CDK14: variants seen among roughly 807,000 people sequenced by gnomAD.
CDK14 encodes cyclin-dependent kinase 14.
In CDK14, 34 loss-of-function variants were observed where a neutral mutation model predicts 60.7. That is an observed-to-expected ratio of 0.56 (90% CI 0.43 to 0.75). The LOEUF (loss-of-function observed/expected upper bound fraction) is 0.75, where lower values mean the gene tolerates loss of function less well. CDK14 is among the 30% of genes least tolerant of loss of function. The probability of loss-of-function intolerance (pLI) is 0.00; values close to 1 mark genes in which losing one functional copy is unlikely to be tolerated. For synonymous variants in CDK14, 197 were observed against 203.7 expected (o/e 0.97, Z 0.28); for missense variants, 482 against 564.1 (o/e 0.85, Z 1.47).
At chr7:90,820,425 C>G (rs1789503912) in intron 5 of CDK14, among the ~76,000 whole-genome samples, 1 of 152,104 alleles carries the variant, frequency 6.6e-6, no homozygotes, top group Non-Finnish European at 1.5e-5. Flanking sequence ...GGGTGGATTT[C>G]TCCCTTGCTG....
At position 90,715,711 on chromosome 7, in the gene CDK14, T is replaced by G. The variant is rs571482561; in HGVS notation, c.124-10856T>G. On this transcript the variant is annotated intron_variant, in intron 2 of 14. Coordinates refer to ENST00000380050, the MANE Select transcript of CDK14 (RefSeq NM_001287135.2). ...GAGTTTTAAGGGAATAGTGTCTTGA[T>G]GAAGAAACTAATTAGCCATGCAGTG... Among the ~76,000 whole-genome samples, 7 of 148,660 alleles carry G rather than the reference T, an allele frequency of 4.7e-5. No homozygotes were observed. The East Asian group carries it at 1.4e-3, about 30-fold the overall frequency.
At chr7:90,974,714 TG>T (rs1313810987) in intron 9 of CDK14, among the ~76,000 whole-genome samples, 1 of 152,078 alleles carries the variant, frequency 6.6e-6, no homozygotes, top group Admixed American at 6.6e-5. Context: ...AATATCTTTT[TG>T]AGAAAATTGA....
intron 5 of CDK14, among the ~76,000 whole-genome samples, chr7:90,824,123 A>T (rs1692427382): frequency 6.6e-6 from 1 of 152,190 alleles, no homozygotes; most frequent in African/African-American, 2.4e-5. Context: ...TGTAGGTGTG[A>T]CTGAAGCTTA....
intron 14 of CDK14, among the ~76,000 whole-genome samples, chr7:91,142,956 C>T (rs1432982536): frequency 6.6e-6 from 1 of 152,150 alleles, no homozygotes; most frequent in Admixed American, 6.5e-5. Context: ...TATTGTCAAG[C>T]AGTTTACAGT....
intron 9 of CDK14, among the ~76,000 whole-genome samples, chr7:90,956,704 G>A (rs1050809336): frequency 1.3e-5 from 2 of 151,824 alleles, no homozygotes; most frequent in East Asian, 1.9e-4. Flanking sequence ...ATGCTGGTGC[G>A]CTGCACCCAC....
intron 10 of CDK14, among the ~76,000 whole-genome samples, chr7:91,012,723 T>C (rs1329848792): frequency 6.6e-6 from 1 of 152,182 alleles, no homozygotes; most frequent in East Asian, 1.9e-4. Context: ...GTCTCTTACT[T>C]ATCTTGACTG....
intron 12 of CDK14, among the ~76,000 whole-genome samples, chr7:91,089,044 C>T (rs878880922): frequency 1.3e-5 from 2 of 152,144 alleles, no homozygotes; most frequent in African/African-American, 4.8e-5. Context: ...ATTTTAACTA[C>T]TTCACTGAAG....
chr7:90,784,654 A>C (rs1805492599), intron 4 of CDK14, among the ~76,000 whole-genome samples: 1 of 152,190 alleles, frequency 6.6e-6, no homozygotes, highest in Admixed American at 6.5e-5. Flanking sequence ...AGGTGTAATT[A>C]CTGACAGTTT....
intron 2 of CDK14, among the ~76,000 whole-genome samples, chr7:90,715,535 A>G (rs563253148): frequency 6.6e-6 from 1 of 152,118 alleles, no homozygotes; most frequent in Non-Finnish European, 1.5e-5. Flanking sequence ...GTCCTTTGGA[A>G]ATACACTCTG....
At chr7:90,725,141 T>C (rs1802588289) in intron 2 of CDK14, among the ~76,000 whole-genome samples, 1 of 152,230 alleles carries the variant, frequency 6.6e-6, no homozygotes, top group South Asian at 2.1e-4. Context: ...AAATGGCTTA[T>C]TTTAATTATA....
intron 6 of CDK14, among the ~76,000 whole-genome samples, chr7:90,863,801 A>C (rs1791089286): frequency 6.6e-6 from 1 of 152,090 alleles, no homozygotes; most frequent in African/African-American, 2.4e-5. Flanking sequence ...TGCATAGTAC[A>C]CAATGTAATG....
chr7:90,875,914 C>T (rs947148253), intron 6 of CDK14, among the ~76,000 whole-genome samples: 2 of 151,830 alleles, frequency 1.3e-5, no homozygotes, highest in African/African-American at 4.8e-5. Context: ...TATATTCTTC[C>T]TTGTTTCAAG....
chr7:90,929,865 G>T (rs1448058102), intron 8 of CDK14, among the ~76,000 whole-genome samples: 1 of 152,210 alleles, frequency 6.6e-6, no homozygotes, highest in African/African-American at 2.4e-5. Flanking sequence ...TTAAAGAAGA[G>T]TAAGCTATCA....
At chr7:91,158,124 A>G (rs1169265033) in intron 14 of CDK14, among the ~76,000 whole-genome samples, 1 of 147,984 alleles carries the variant, frequency 6.8e-6, no homozygotes, top group Non-Finnish European at 1.5e-5. Context: ...TAAACAGTAT[A>G]TATACATTAT....
At chr7:90,812,523 C>T (rs550530376) in intron 5 of CDK14, among the ~76,000 whole-genome samples, 3 of 151,998 alleles carry the variant, frequency 2.0e-5, no homozygotes, top group Non-Finnish European at 2.9e-5. Flanking sequence ...TGTTAAATGA[C>T]GAGTTGCTGG....
chr7:91,181,852 T>C (rs1448807022), intron 14 of CDK14, among the ~76,000 whole-genome samples: 1 of 152,172 alleles, frequency 6.6e-6, no homozygotes, highest in Non-Finnish European at 1.5e-5. Flanking sequence ...ATCTAATGTT[T>C]TTCCTGCTCC....
intron 2 of CDK14, among the ~76,000 whole-genome samples, chr7:90,687,735 A>T (rs1248483329): frequency 1.3e-5 from 2 of 152,164 alleles, no homozygotes; most frequent in African/African-American, 2.4e-5. Context: ...TATTTAAAAC[A>T]TAGCATTTTA....
chr7:90,675,531 T>C (rs1282153387), intron 2 of CDK14, among the ~76,000 whole-genome samples: 1 of 152,184 alleles, frequency 6.6e-6, no homozygotes, highest in Non-Finnish European at 1.5e-5. Context: ...CGGAATGTGC[T>C]CTATAACTTT....
At chr7:90,821,108 A>G (rs1278833682) in intron 5 of CDK14, among the ~76,000 whole-genome samples, 3 of 152,144 alleles carry the variant, frequency 2.0e-5, no homozygotes, top group African/African-American at 7.2e-5. Context: ...TTCTGATTAT[A>G]TGTCCCTTCT....
Sources: gnomAD v4.1 joint callset for allele counts (sites outside exome capture counted in the v4.1 genomes callset) on GRCh38, gnomAD v4.1.1 for gene constraint, MANE v1.5 for transcripts, NCBI Gene and HGNC (gene_info 2026-07-23, HGNC 2026-07-21) for gene names.